Variants in BEND5 observed in about 807,000 individuals in gnomAD.
BEND5 encodes the protein BEN domain containing 5.
Under a neutral mutation model 43.9 loss-of-function variants are expected in BEND5, and 22 were observed. The observed-to-expected ratio is 0.50, with a 90% CI of 0.36 to 0.72. BEND5 has a LOEUF of 0.72. Among genes scored for constraint, BEND5 ranks in the 30% least tolerant of loss-of-function variants. The pLI is 0.00. For synonymous variants in BEND5, 228 were observed against 225.9 expected (o/e 1.01, Z -0.08); for missense variants, 428 against 550.6 (o/e 0.78, Z 2.23).
At chr1:48,746,422 C>T (rs11205536) in intron 3 of BEND5, among the ~76,000 whole-genome samples, 97,311 of 151,788 alleles carry the variant, frequency 0.64, 32,865 homozygotes, top group Non-Finnish European at 0.77. Flanking sequence ...ACCCACTCTC[C>T]TCAAGGTTCA....
Position 48,759,125 on chromosome 1 carries a change from C to T in BEND5, c.520G>A (p.Glu174Lys). ...SPGTEDMDSLEDAVVPRALYE... is the reference protein window; with the variant it reads ...SPGTEDMDSLKDAVVPRALYE... ...AGAGCCCGGGGCACCACAGCATCTT[C>T]TAGACTGTCCATGTCCTCTGTGCCT... The change falls in exon 3 of 6, where the codon GAA (glutamate) becomes AAA (lysine). Residue 174 changes from glutamate to lysine, a missense_variant. By Grantham distance (56) the Glu-to-Lys change is moderately conservative. Coordinates refer to ENST00000371833, the MANE Select transcript of BEND5 (RefSeq NM_024603.4). The T allele has an allele frequency of 1.9e-5, 31 of 1,613,620 alleles. No individual in the cohort carries two copies. The highest frequency in any genetic ancestry group is 2.5e-5 in the Non-Finnish European group (29 of 1,179,794).
chr1:48,734,043 A>T (rs1485930575), intron 5 of BEND5, among the ~76,000 whole-genome samples: 1 of 152,222 alleles, frequency 6.6e-6, no homozygotes, highest in Non-Finnish European at 1.5e-5. Context: ...TCGGTCACCT[A>T]CCAGGCAGGG....
In BEND5 at chr1:48,760,882, T is replaced by C. The variant is rs562971295; in HGVS notation, c.360+455A>G. Among the ~76,000 whole-genome samples the C allele has an allele frequency of 5.3e-5, 8 of 152,322 alleles. No homozygotes were observed. The South Asian group carries it at 1.0e-3, about 20-fold the overall frequency. ...AAAATGCAACCTCATGCAAATGTTT[T>C]CATCTAACCCGAGGTCTCACAAATC... On this transcript the variant is annotated intron_variant, in intron 2 of 5. Coordinates refer to ENST00000371833, the MANE Select transcript of BEND5 (RefSeq NM_024603.4).
At chr1:48,768,775 A>G (rs1644659778) in intron 1 of BEND5, among the ~76,000 whole-genome samples, 1 of 152,208 alleles carries the variant, frequency 6.6e-6, no homozygotes, top group Non-Finnish European at 1.5e-5. Context: ...TCTTATAAAT[A>G]TCTATATATA....
At chr1:48,728,113 A>T in intron 5 of BEND5, 70 bp from the exon 6 acceptor site, 1 of 1,416,614 alleles carries the variant, frequency 7.1e-7, no homozygotes, top group Non-Finnish European at 9.6e-7. Context: ...AAGGAGGGTA[A>T]AAGAAAATGT....
intron 3 of BEND5, among the ~76,000 whole-genome samples, chr1:48,748,082 A>G (rs1651046289): frequency 6.6e-6 from 1 of 152,216 alleles, no homozygotes; most frequent in Non-Finnish European, 1.5e-5. Context: ...TGGCACACAG[A>G]AAGTACTAGA....
chr1:48,742,834 A>G lies in BEND5; in HGVS notation c.746-63T>C. 2.8e-6 allele frequency: 4 copies of G among 1,419,926 alleles called. No homozygotes were observed. In the Middle Eastern group the frequency reaches 5.7e-4, roughly 201 times the overall value. The allele number at this position is 1,419,926 out of a possible 1,614,324, so 88.0% of individuals were successfully genotyped here. ...AGGAAAATAAAAGGCAAATATTTTT[A>G]ACTAGGCATCTATCAGCACACCATG... On this transcript the variant is annotated intron_variant, in intron 3 of 5. Coordinates refer to ENST00000371833, the MANE Select transcript of BEND5 (RefSeq NM_024603.4).
intron 3 of BEND5, among the ~76,000 whole-genome samples, chr1:48,758,504 A>G (rs964714915): frequency 3.3e-5 from 5 of 152,140 alleles, no homozygotes; most frequent in African/African-American, 1.2e-4. Flanking sequence ...GGCATTTATC[A>G]CTTTCTGACT....
rs953433587 is a variant in BEND5 at position 48,776,838 on chromosome 1, C to T, written c.-7G>A. On this transcript the variant is annotated 5_prime_UTR_variant, in exon 1 of 6. Transcript: ENST00000371833. ...ACCGCACAAAGGCGTACATGGTGGG[C>T]GCCGGGGGCGGGCCCCGGTCGGGCA... The T allele has an allele frequency of 2.7e-6, 4 of 1,493,900 alleles. No individual in the cohort carries two copies. Among genetic ancestry groups the T allele is most frequent in the African/African-American group, 2.9e-5 (2 of 68,104 alleles). 92.5% of individuals were successfully genotyped at this position (1,493,900 alleles called of 1,614,324 possible). A position where few individuals can be genotyped will look rare whatever the true frequency, so the allele number is the denominator to read the frequency against.
intron 3 of BEND5, among the ~76,000 whole-genome samples, chr1:48,748,771 T>C (rs563199682): frequency 8.3e-4 from 127 of 152,104 alleles, no homozygotes; most frequent in African/African-American, 3.0e-3. Flanking sequence ...TGGTGATCTC[T>C]GACTGGGGCT....
intron 5 of BEND5, among the ~76,000 whole-genome samples, chr1:48,731,644 C>G (rs565248872): frequency 6.6e-6 from 1 of 152,278 alleles, no homozygotes; most frequent in South Asian, 2.1e-4. Context: ...GGTAGTGGGA[C>G]CTGTGTTCCA....
At chr1:48,733,782 T>C (rs1328650066) in intron 5 of BEND5, among the ~76,000 whole-genome samples, 1 of 152,172 alleles carries the variant, frequency 6.6e-6, no homozygotes, top group Non-Finnish European at 1.5e-5. Context: ...ACACAAAATT[T>C]GGTCAGGCGA....
At chr1:48,757,801 A>C (rs1343289229) in intron 3 of BEND5, among the ~76,000 whole-genome samples, 1 of 152,192 alleles carries the variant, frequency 6.6e-6, no homozygotes, top group South Asian at 2.1e-4. Flanking sequence ...ATTGTATTTT[A>C]TTTAAACTTT....
At chr1:48,760,247 G>A (rs1463072280) in intron 2 of BEND5, among the ~76,000 whole-genome samples, 2 of 152,178 alleles carry the variant, frequency 1.3e-5, no homozygotes, top group Admixed American at 1.3e-4. Context: ...TTCTACTGAG[G>A]GGCAGTGAGA....
chr1:48,761,487 G>C lies in BEND5; in HGVS notation c.227-17C>G. On this transcript the variant is annotated splice_polypyrimidine_tract_variant and intron_variant, in intron 1 of 5. Transcript: ENST00000371833. ...ATTTGTCTTCTAAAATGCATATCAA[G>C]AGAACAAGGTTCATCATGAGTTAAA... is the stretch of plus-strand genomic sequence containing the variant. The C allele has an allele frequency of 1.9e-6, 3 of 1,548,142 alleles. No individual in the cohort carries two copies. The highest frequency in any genetic ancestry group is 2.6e-6 in the Non-Finnish European group (3 of 1,146,218).
At chr1:48,755,089 G>A (rs552667900) in intron 3 of BEND5, among the ~76,000 whole-genome samples, 11 of 152,156 alleles carry the variant, frequency 7.2e-5, no homozygotes, top group Non-Finnish European at 1.0e-4. Context: ...AAATGAAGAC[G>A]TGTACGATTC....
chr1:48,750,897 C>A (rs1297807517), intron 3 of BEND5, among the ~76,000 whole-genome samples: 2 of 152,066 alleles, frequency 1.3e-5, no homozygotes, highest in Non-Finnish European at 2.9e-5. Context: ...CTAAGAATTA[C>A]CCCCCACACT....
At chr1:48,759,530 C>A (rs771432898) in intron 2 of BEND5, among the ~76,000 whole-genome samples, 1 of 152,190 alleles carries the variant, frequency 6.6e-6, no homozygotes, top group Non-Finnish European at 1.5e-5. Context: ...CACTGGTTTC[C>A]CAGGCCTGCA....
chr1:48,774,568 A>G (rs980860261), intron 1 of BEND5, among the ~76,000 whole-genome samples: 2 of 152,166 alleles, frequency 1.3e-5, no homozygotes, highest in Non-Finnish European at 2.9e-5. Flanking sequence ...CTTTGAACCT[A>G]CTCTGCCAGT....
Sources: gnomAD v4.1 joint callset for allele counts (sites outside exome capture counted in the v4.1 genomes callset) on GRCh38, gnomAD v4.1.1 for gene constraint, MANE v1.5 for transcripts, NCBI Gene and HGNC (gene_info 2026-07-23, HGNC 2026-07-21) for gene names.